Variants in TUBG2 observed in about 807,000 individuals in gnomAD.
The protein encoded by TUBG2 is tubulin gamma 2, also known as tubulin gamma-2 chain.
TUBG2 carries 39 observed loss-of-function variants against 55.1 expected under a neutral mutation model. That is an observed-to-expected ratio of 0.71 (90% CI 0.55 to 0.93). The LOEUF (loss-of-function observed/expected upper bound fraction) is 0.93. Ranked by LOEUF, TUBG2 falls within the 40% of genes least tolerant of loss-of-function variation. The probability of loss-of-function intolerance (pLI) is 0.00; values close to 1 mark genes in which losing one functional copy is unlikely to be tolerated. For missense variants in TUBG2, 358 were observed against 599.1 expected, an observed-to-expected ratio of 0.60 and a Z score of 4.20; for synonymous variants, 223 against 241.0, an observed-to-expected ratio of 0.93 and a Z score of 0.69.
chr17:42,665,637 C>T (rs1323056914), intron 7 of TUBG2, 41 bp from the exon 8 acceptor site: 3 of 1,614,026 alleles, frequency 1.9e-6, no homozygotes, highest in African/African-American at 1.3e-5. Context: ...AGGAAGGTCC[C>T]ACCCAGGCCG....
chr17:42,661,507 A>G (rs935098411), intron 4 of TUBG2: 1 of 152,248 alleles, frequency 6.6e-6, no homozygotes, highest in Non-Finnish European at 1.5e-5. Flanking sequence ...AAGATTGAGT[A>G]GAGCACCAAT....
intron 4 of TUBG2, among the ~76,000 whole-genome samples, chr17:42,661,652 G>A (rs1156375579): frequency 6.6e-6 from 1 of 152,234 alleles, no homozygotes; most frequent in East Asian, 1.9e-4. Context: ...AACGCCACAG[G>A]GCAGCAACTC....
At chr17:42,662,098 A>T (rs2052401569) in intron 4 of TUBG2, among the ~76,000 whole-genome samples, 1 of 152,218 alleles carries the variant, frequency 6.6e-6, no homozygotes, top group South Asian at 2.1e-4. Context: ...CGAGCCCAGG[A>T]GTTCAAAACC....
At chr17:42,662,881 T>C (rs917215315) in intron 4 of TUBG2, 92 bp from the exon 5 acceptor site, 3 of 1,214,164 alleles carry the variant, frequency 2.5e-6, no homozygotes, top group Non-Finnish European at 3.6e-6. Flanking sequence ...TTACCTGATG[T>C]GTGTGGTAAG....
At chr17:42,662,628 A>G (rs892272401) in intron 4 of TUBG2, among the ~76,000 whole-genome samples, 1 of 152,102 alleles carries the variant, frequency 6.6e-6, no homozygotes, top group Admixed American at 6.6e-5. Context: ...AATTGAAAAT[A>G]CCGTAAGTAG....
Position 42,666,402 on chromosome 17 carries a change from C to T in TUBG2, c.1076C>T (p.Ala359Val). 1 of 1,614,202 alleles carries T rather than the reference C, an allele frequency of 6.2e-7. No individual in the cohort carries two copies. Among genetic ancestry groups the T allele is most frequent in the Non-Finnish European group, 8.5e-7 (1 of 1,180,018 alleles). Residue 359 changes from alanine to valine, a missense_variant, in exon 10 of 11, where the codon GCC becomes GTC. By Grantham distance (64) the Ala-to-Val change is moderately conservative. Around this residue, in one of 8 missense-constraint regions of TUBG2, gnomAD observed 129 missense variants for 251.6 expected, o/e 0.51. Transcript: ENST00000251412. Reference protein sequence around the residue: ...IPWGPASIQVALSRKSPYLPS... With the variant: ...IPWGPASIQVVLSRKSPYLPS... ...TGGGGCCCCGCCAGCATCCAGGTGGCCCTGTCGAGGAAGTCTCCCTACCTG... is the reference window on the plus strand; with the variant it reads ...TGGGGCCCCGCCAGCATCCAGGTGGTCCTGTCGAGGAAGTCTCCCTACCTG...
chr17:42,661,363 G>A (rs918332062), intron 4 of TUBG2: 2 of 152,248 alleles, frequency 1.3e-5, no homozygotes, highest in Non-Finnish European at 2.9e-5. Context: ...CTGAGCTTAT[G>A]TTAAAGAGGC....
rs2052328722 is a variant in TUBG2 at position 42,659,436 on chromosome 17, C to A, written c.-68C>A. On this transcript the variant is annotated 5_prime_UTR_variant, in exon 1 of 11. In the 5' UTR this introduces an upstream ATG that the reference lacks. Coordinates refer to ENST00000251412, the MANE Select transcript of TUBG2 (RefSeq NM_016437.3). ...CGCTCCCCACGTCCTGCGCTCCTGG[C>A]TGCCGGGCATTCGTCTCAGCCGTGA... is the stretch of plus-strand genomic sequence containing the variant. 2.0e-6 allele frequency: 3 copies of A among 1,497,284 alleles called. No homozygotes were observed. Among genetic ancestry groups the A allele is most frequent in the Non-Finnish European group, 2.7e-6 (3 of 1,113,542 alleles). The allele number at this position is 1,497,284 out of a possible 1,614,324, so 92.7% of individuals were successfully genotyped here. A position where few individuals can be genotyped will look rare whatever the true frequency, so the allele number is the denominator to read the frequency against.
Position 42,664,907 on chromosome 17 carries a change from C to G in TUBG2, c.607-569C>G, listed in dbSNP as rs538894162. Among the ~76,000 whole-genome samples the G allele has an allele frequency of 3.0e-4, 44 of 146,414 alleles. No individual in the cohort carries two copies. The East Asian group carries it at 8.1e-3, about 27-fold the overall frequency. On this transcript the variant is annotated intron_variant, in intron 6 of 10. Transcript: ENST00000251412. ...TATACTTTTTTATTTATATTTTTTA[C>G]AGAGATGGCATCTTGCTGTGTTGCT...
In TUBG2 at chr17:42,660,727, G is replaced by T. The variant is rs753946034; in HGVS notation, c.399+20G>T. ...TTGGAGGTGAAGTTATGGAGTGGGG[G>T]AAGGAATGGGCAGGGAGGCCGAAGA... On this transcript the variant is annotated intron_variant, in intron 4 of 10. Transcript: ENST00000251412. 6.2e-7 allele frequency: 1 copy of T among 1,612,750 alleles called. No homozygotes were observed. The highest frequency in any genetic ancestry group is 8.5e-7 in the Non-Finnish European group (1 of 1,178,928).
At chr17:42,664,438 T>A (rs1433849099) in intron 6 of TUBG2, among the ~76,000 whole-genome samples, 2 of 152,066 alleles carry the variant, frequency 1.3e-5, no homozygotes, top group African/African-American at 4.8e-5. Flanking sequence ...CTAAGTTTCT[T>A]AGAATCCTTT....
rs1265004844 is a variant in TUBG2, at chr17:42,666,600, C to G, written c.1159-3C>G. 1 of 1,614,026 alleles carries G rather than the reference C, an allele frequency of 6.2e-7. No homozygotes were observed. The highest frequency in any genetic ancestry group is 8.5e-7 in the Non-Finnish European group (1 of 1,180,036). ...GCATTTTGGAGATTTTCATCTCTTT[C>G]AGCTCTTTGAAAGTTCCTGCCAGCA... On this transcript the variant is annotated splice_region_variant and splice_polypyrimidine_tract_variant and intron_variant, in intron 10 of 10. Transcript: ENST00000251412.
In TUBG2 at chr17:42,660,636, C is replaced by T; in HGVS notation, c.331-3C>T. On this transcript the variant is annotated splice_region_variant and splice_polypyrimidine_tract_variant and intron_variant, in intron 3 of 10. Coordinates refer to ENST00000251412, the MANE Select transcript of TUBG2 (RefSeq NM_016437.3). ...GACCCTCCCTTTCCATATCTCTATA[C>T]AGGGTGAGAAAATTCATGAAGACAT... The T allele has an allele frequency of 2.5e-6, 4 of 1,613,762 alleles. No homozygotes were observed. The highest frequency in any genetic ancestry group is 3.4e-6 in the Non-Finnish European group (4 of 1,179,762).
At chr17:42,662,567 T>C (rs1400591694) in intron 4 of TUBG2, among the ~76,000 whole-genome samples, 1 of 151,818 alleles carries the variant, frequency 6.6e-6, no homozygotes, top group Non-Finnish European at 1.5e-5. Flanking sequence ...GATCGGGCCA[T>C]TGCACTACAG....
intron 4 of TUBG2, chr17:42,661,021 A>C (rs1239650868): frequency 3.2e-6 from 1 of 314,374 alleles, no homozygotes; most frequent in East Asian, 6.4e-5. Context: ...ATGGAGAATG[A>C]ACCAAGCCGA....
Position 42,659,379 on chromosome 17 carries a change from G to A in TUBG2, c.-125G>A, listed in dbSNP as rs2143510944. On this transcript the variant is annotated 5_prime_UTR_variant, in exon 1 of 11. Transcript: ENST00000251412. ...GGCCTGCGCTGCACACGCGCAGACC[G>A]AGCATCCGCGTCAAGAGGCGAAGAG... 2 of 1,028,238 alleles carry A rather than the reference G, an allele frequency of 1.9e-6. No individual in the cohort carries two copies. The highest frequency in any genetic ancestry group is 2.8e-6 in the Non-Finnish European group (2 of 726,084). The allele number at this position is 1,028,238 out of a possible 1,614,324, so 63.7% of individuals were successfully genotyped here.
rs1208956603 is a variant in TUBG2 at position 42,666,603 on chromosome 17, C to T, written c.1159C>T (p.Leu387Phe). The stretch of plus-strand genomic sequence containing the variant: ...TTTTGGAGATTTTCATCTCTTTCAG[C>T]TCTTTGAAAGTTCCTGCCAGCAGTT... ...MMANHTSISS[L>F]FESSCQQFDK... Residue 387 changes from leucine (L) to phenylalanine (F), a missense_variant and splice_region_variant, in exon 11 of 11, where the codon CTC becomes TTC. By Grantham distance (22) the Leu-to-Phe change is conservative. Coordinates refer to ENST00000251412, the MANE Select transcript of TUBG2 (RefSeq NM_016437.3). 5 of 1,614,104 alleles carry T rather than the reference C, an allele frequency of 3.1e-6. No individual in the cohort carries two copies. The highest frequency in any genetic ancestry group is 2.7e-5 in the African/African-American group (2 of 74,936).
chr17:42,661,743 A>G (rs2052390415), intron 4 of TUBG2, among the ~76,000 whole-genome samples: 1 of 152,214 alleles, frequency 6.6e-6, no homozygotes, highest in African/African-American at 2.4e-5. Flanking sequence ...AATATCCTTT[A>G]TAACAAATGG....
intron 6 of TUBG2, 128 bp from the exon 7 acceptor site, chr17:42,665,348 C>G (rs2052501366): frequency 2.9e-6 from 4 of 1,365,250 alleles, no homozygotes; most frequent in Non-Finnish European, 3.9e-6. Context: ...CGCCCGGCCT[C>G]AGTACTTTTT....
Sources: gnomAD v4.1 joint callset for allele counts (sites outside exome capture counted in the v4.1 genomes callset) on GRCh38, gnomAD v4.1.1 for gene constraint, gnomAD v4.1.1 regional missense constraint, MANE v1.5 for transcripts, NCBI Gene and HGNC (gene_info 2026-07-23, HGNC 2026-07-21) for gene names.